The following LOC128125817 variants were observed in gnomAD, a reference collection of about 807,000 sequenced individuals.
At chr1:41,599,500 T>C in the LOC128125817 span, among the ~76,000 whole-genome samples, 1 of 152,108 alleles carries the variant, frequency 6.6e-6, no homozygotes, top group Middle Eastern at 3.2e-3. Flanking sequence ...GGAGAGGATA[T>C]TTGCAACACA....
the LOC128125817 span, among the ~76,000 whole-genome samples, chr1:41,622,290 C>T: frequency 6.6e-6 from 1 of 152,120 alleles, no homozygotes; most frequent in African/African-American, 2.4e-5. Flanking sequence ...GTCCTAATGC[C>T]ATGGGGAAGG....
At chr1:41,624,681 C>T in the LOC128125817 span, among the ~76,000 whole-genome samples, 3 of 152,160 alleles carry the variant, frequency 2.0e-5, no homozygotes, top group Admixed American at 6.5e-5. Flanking sequence ...GATTGTGGGG[C>T]TTCCTGTCTG....
chr1:41,588,741 C>A, the LOC128125817 span, among the ~76,000 whole-genome samples: 1 of 152,152 alleles, frequency 6.6e-6, no homozygotes, highest in Non-Finnish European at 1.5e-5. Flanking sequence ...TGAGCGAGGC[C>A]TGTGAGCTGG....
At chr1:41,618,187 C>T in the LOC128125817 span, among the ~76,000 whole-genome samples, 5 of 152,326 alleles carry the variant, frequency 3.3e-5, no homozygotes, top group South Asian at 2.1e-4. Flanking sequence ...CTGTTTGTTC[C>T]GCTGCGGGAT....
chr1:41,600,999 T>C, the LOC128125817 span, among the ~76,000 whole-genome samples: 1 of 152,202 alleles, frequency 6.6e-6, no homozygotes, highest in African/African-American at 2.4e-5. Flanking sequence ...CCCAGCACCA[T>C]TTATTGAAGA....
At chr1:41,596,341 C>A in the LOC128125817 span, among the ~76,000 whole-genome samples, 6 of 152,326 alleles carry the variant, frequency 3.9e-5, no homozygotes, top group South Asian at 8.3e-4. Context: ...TACCCTCTGA[C>A]CTGGATTCAT....
At chr1:41,600,045 C>T in the LOC128125817 span, among the ~76,000 whole-genome samples, 1 of 151,664 alleles carries the variant, frequency 6.6e-6, no homozygotes, top group Non-Finnish European at 1.5e-5. Context: ...AAAATGGCTA[C>T]AACAAAAAAA....
chr1:41,627,070 T>C, the LOC128125817 span, among the ~76,000 whole-genome samples: 5 of 152,304 alleles, frequency 3.3e-5, no homozygotes, highest in Admixed American at 2.6e-4. Context: ...TCGGTCCCCG[T>C]GCTTCAGCCT....
the LOC128125817 span, among the ~76,000 whole-genome samples, chr1:41,595,479 G>T: frequency 1.4e-4 from 21 of 152,170 alleles, no homozygotes; most frequent in Admixed American, 3.9e-4. Flanking sequence ...AAAGGAGTCT[G>T]GAGACTAATT....
At chr1:41,613,426 A>AG in the LOC128125817 span, among the ~76,000 whole-genome samples, 1 of 152,212 alleles carries the variant, frequency 6.6e-6, no homozygotes. Flanking sequence ...TTTGGAGAGC[A>AG]GGGGCTGTAT....
At chr1:41,598,597 C>T in the LOC128125817 span, among the ~76,000 whole-genome samples, 4 of 152,200 alleles carry the variant, frequency 2.6e-5, no homozygotes, top group Non-Finnish European at 5.9e-5. Flanking sequence ...TCTACTGCAA[C>T]TCATTTCTTC....
chr1:41,597,050 G>T, the LOC128125817 span, among the ~76,000 whole-genome samples: 1 of 152,048 alleles, frequency 6.6e-6, no homozygotes, highest in Non-Finnish European at 1.5e-5. Flanking sequence ...TTGGATGACT[G>T]GTCTCTGTGT....
the LOC128125817 span, among the ~76,000 whole-genome samples, chr1:41,624,931 C>T: frequency 3.3e-5 from 5 of 152,006 alleles, no homozygotes; most frequent in Non-Finnish European, 2.9e-5. Flanking sequence ...TTTGGGAGGC[C>T]GAGGTGGATG....
At chr1:41,619,448 G>A in the LOC128125817 span, among the ~76,000 whole-genome samples, 1 of 152,228 alleles carries the variant, frequency 6.6e-6, no homozygotes, top group South Asian at 2.1e-4. Context: ...TCTATAGAGA[G>A]TGTGCATGTG....
the LOC128125817 span, among the ~76,000 whole-genome samples, chr1:41,625,736 C>T: frequency 0.59 from 89,976 of 151,808 alleles, 27,483 homozygotes; most frequent in African/African-American, 0.75. Flanking sequence ...CAGTATATAT[C>T]AAAAATAAAT....
chr1:41,588,603 C>T, the LOC128125817 span, among the ~76,000 whole-genome samples: 1 of 151,980 alleles, frequency 6.6e-6, no homozygotes, highest in Non-Finnish European at 1.5e-5. Flanking sequence ...ACTGCCTGCC[C>T]AGGGTCAGTG....
the LOC128125817 span, among the ~76,000 whole-genome samples, chr1:41,620,960 G>C: frequency 6.6e-6 from 1 of 152,208 alleles, no homozygotes; most frequent in Admixed American, 6.5e-5. Context: ...CCCTGAGATT[G>C]GGAGAGGAAG....
At chr1:41,621,571 G>A in the LOC128125817 span, among the ~76,000 whole-genome samples, 1 of 152,256 alleles carries the variant, frequency 6.6e-6, no homozygotes, top group Non-Finnish European at 1.5e-5. Context: ...CTGCAGTGCA[G>A]TGGTATAATC....
chr1:41,605,252 T>C, the LOC128125817 span, among the ~76,000 whole-genome samples: 1 of 150,630 alleles, frequency 6.6e-6, no homozygotes, highest in Non-Finnish European at 1.5e-5. Context: ...GGATAGTGGT[T>C]TCTGATTTCT....
Sources: gnomAD v4.1 joint callset for allele counts (sites outside exome capture counted in the v4.1 genomes callset) on GRCh38, gnomAD v4.1.1 for gene constraint, MANE v1.5 for transcripts.